Variants in IKZF2 observed in about 807,000 individuals in gnomAD.
The protein encoded by IKZF2 is IKAROS family zinc finger 2.
A neutral mutation model predicts 49.2 loss-of-function variants in IKZF2; 15 were observed. The observed-to-expected ratio is 0.30, with a 90% CI of 0.20 to 0.47. The LOEUF is 0.47. IKZF2 is among the 20% of genes least tolerant of loss of function. The pLI is 1.00. For synonymous variants in IKZF2, 227 were observed against 221.4 expected, an observed-to-expected ratio of 1.03 and a Z score of -0.23; for missense variants, 567 against 664.6, an observed-to-expected ratio of 0.85 and a Z score of 1.61.
At chr2:213,010,166 T>C (rs180924221) in intron 8 of IKZF2, among the ~76,000 whole-genome samples, 14 of 152,136 alleles carry the variant, frequency 9.2e-5, no homozygotes, top group African/African-American at 3.4e-4. Context: ...GGGAGGACTA[T>C]GAGTAATAAT....
Position 213,005,980 on chromosome 2 carries a change from T to C in IKZF2, c.*1380A>G, listed in dbSNP as rs1460829136. The C allele has an allele frequency of 1.3e-5, 2 of 152,112 alleles. No homozygotes were observed. Among genetic ancestry groups the C allele is most frequent in the Non-Finnish European group, 2.9e-5 (2 of 67,978 alleles). 9.4% of individuals were successfully genotyped at this position (152,112 alleles called of 1,614,324 possible). A position where few individuals can be genotyped will look rare whatever the true frequency, so the allele number is the denominator to read the frequency against. On this transcript the variant is annotated 3_prime_UTR_variant, in exon 9 of 9. Coordinates refer to ENST00000434687, the MANE Select transcript of IKZF2 (RefSeq NM_001387220.1). ...TTCCTTTGGGGGTTCTGTCACATTC[T>C]AGACTCCAAGAAGGGTAAAAGTAAA... is the stretch of plus-strand genomic sequence containing the variant.
intron 4 of IKZF2, among the ~76,000 whole-genome samples, chr2:213,106,614 T>C (rs2059537600): frequency 7.1e-6 from 1 of 140,872 alleles, no homozygotes; most frequent in African/African-American, 2.7e-5. Flanking sequence ...CACTCCAACC[T>C]GGGCGACAGA....
intron 6 of IKZF2, among the ~76,000 whole-genome samples, chr2:213,046,891 T>C (rs1233008386): frequency 6.6e-6 from 1 of 151,674 alleles, no homozygotes; most frequent in Non-Finnish European, 1.5e-5. Context: ...ACAATGGGAG[T>C]AGGGACACAG....
At chr2:213,037,468 T>G (rs1364981270) in intron 6 of IKZF2, among the ~76,000 whole-genome samples, 1 of 152,174 alleles carries the variant, frequency 6.6e-6, no homozygotes, top group East Asian at 1.9e-4. Context: ...TAATGGTTAT[T>G]GGTCTGGGGT....
intron 6 of IKZF2, among the ~76,000 whole-genome samples, chr2:213,046,951 T>G (rs955742165): frequency 2.0e-5 from 3 of 152,062 alleles, no homozygotes. Flanking sequence ...CTATGACTGA[T>G]TTAACTACCA....
chr2:213,008,214 A>C, intron 8 of IKZF2, 130 bp from the exon 9 acceptor site: 1 of 1,112,000 alleles, frequency 9.0e-7, no homozygotes, highest in Non-Finnish European at 1.2e-6. Context: ...GGTATATATT[A>C]CTCTATAAGT....
chr2:213,024,869 ATG>A (rs1336932732), intron 6 of IKZF2, among the ~76,000 whole-genome samples: 3 of 152,062 alleles, frequency 2.0e-5, no homozygotes, highest in Admixed American at 1.3e-4. Context: ...CTCCCTATAC[ATG>A]TGTTTATCTG....
chr2:213,035,480 A>T (rs1698925775), intron 6 of IKZF2, among the ~76,000 whole-genome samples: 1 of 152,190 alleles, frequency 6.6e-6, no homozygotes, highest in African/African-American at 2.4e-5. Flanking sequence ...ATTAAGATAG[A>T]GATAGCAAAA....
intron 4 of IKZF2, among the ~76,000 whole-genome samples, chr2:213,075,751 T>C (rs1703184571): frequency 2.0e-5 from 3 of 152,140 alleles, no homozygotes. Flanking sequence ...ATTTTAACCA[T>C]CCTCGTTTGG....
intron 4 of IKZF2, among the ~76,000 whole-genome samples, chr2:213,113,320 G>C (rs1428031522): frequency 6.6e-6 from 1 of 152,150 alleles, no homozygotes; most frequent in Non-Finnish European, 1.5e-5. Context: ...GGTATGCAGA[G>C]AGTAGCCTAA....
intron 6 of IKZF2, among the ~76,000 whole-genome samples, chr2:213,042,728 C>G (rs1198636372): frequency 6.6e-6 from 1 of 151,934 alleles, no homozygotes. Context: ...TCTTTAAGTT[C>G]TTAAAGACAC....
chr2:213,042,478 A>AGT (rs1699757149), intron 6 of IKZF2, among the ~76,000 whole-genome samples: 1 of 152,218 alleles, frequency 6.6e-6, no homozygotes, highest in Non-Finnish European at 1.5e-5. Context: ...GTAGTCACTA[A>AGT]GAGTCAGGTA....
At chr2:213,022,461 C>G (rs772862008) in intron 6 of IKZF2, among the ~76,000 whole-genome samples, 1 of 151,846 alleles carries the variant, frequency 6.6e-6, no homozygotes, top group Non-Finnish European at 1.5e-5. Context: ...TCATTCAAGA[C>G]AAATCAGGAG....
intron 7 of IKZF2, 135 bp downstream of exon 7, chr2:213,021,858 C>T: frequency 1.1e-6 from 1 of 880,500 alleles, no homozygotes; most frequent in Non-Finnish European, 1.7e-6. Flanking sequence ...AGATTATTTG[C>T]AATGTATCCC....
intron 6 of IKZF2, among the ~76,000 whole-genome samples, chr2:213,040,856 G>A (rs1044451482): frequency 1.3e-5 from 2 of 152,122 alleles, no homozygotes; most frequent in South Asian, 4.1e-4. Flanking sequence ...AGTGGCTCAC[G>A]CCTGTAATCC....
At chr2:213,119,887 A>C (rs2059994753) in intron 4 of IKZF2, among the ~76,000 whole-genome samples, 1 of 152,238 alleles carries the variant, frequency 6.6e-6, no homozygotes, top group Non-Finnish European at 1.5e-5. Flanking sequence ...GCAAAGAAAG[A>C]AGCAGTCTCA....
intron 4 of IKZF2, among the ~76,000 whole-genome samples, chr2:213,086,574 T>A (rs1704626858): frequency 6.6e-6 from 1 of 152,120 alleles, no homozygotes; most frequent in Non-Finnish European, 1.5e-5. Flanking sequence ...GCCCGGAAGC[T>A]CACCTTTACT....
At position 213,147,779 on chromosome 2, in the gene IKZF2, G is replaced by C; in HGVS notation, c.68C>G (p.Ser23Cys). The C allele has an allele frequency of 6.2e-7, 1 of 1,613,854 alleles. No individual in the cohort carries two copies. Among genetic ancestry groups the C allele is most frequent in the South Asian group, 1.1e-5 (1 of 91,068 alleles). The change falls in exon 4 of 9, where the codon TCC becomes TGC. Residue 23 changes from serine to cysteine, a missense_variant. By Grantham distance (112) the Ser-to-Cys change is moderately radical. This residue lies in a region of IKZF2 where 156 missense variants were observed against 138.5 expected (regional missense o/e 1.13). Coordinates refer to ENST00000434687, the MANE Select transcript of IKZF2 (RefSeq NM_001387220.1). ...DNELSPEREH[S>C]NMAIDLTSST... is the part of the protein sequence containing the mutation. The stretch of plus-strand genomic sequence containing the variant: ...TGAGGTGAGGTCAATTGCCATATTG[G>C]AGTGCTCCCTTTCGGGTGAAAGCTC...
chr2:213,053,455 A>G (rs1700862447), intron 5 of IKZF2, among the ~76,000 whole-genome samples: 1 of 152,192 alleles, frequency 6.6e-6, no homozygotes, highest in African/African-American at 2.4e-5. Flanking sequence ...TTAAAATGCA[A>G]ATATATATGC....
Sources: allele counts gnomAD v4.1 joint callset (sites outside exome capture counted in the v4.1 genomes callset), GRCh38; gene constraint gnomAD v4.1.1; regional missense constraint gnomAD v4.1.1; transcripts MANE v1.5; gene names NCBI Gene and HGNC (gene_info 2026-07-23, HGNC 2026-07-21).